Variants in COL24A1 observed in about 807,000 individuals in gnomAD.
COL24A1 encodes collagen alpha-1(XXIV) chain.
Under a neutral mutation model 253.9 loss-of-function variants are expected in COL24A1, and 224 were observed. The observed-to-expected ratio is 0.88, with a 90% CI of 0.79 to 0.99. The LOEUF is 0.99. Among genes scored for constraint, COL24A1 ranks in the 50% least tolerant of loss-of-function variants. COL24A1 has a pLI of 0.00. For synonymous variants in COL24A1, 685 were observed against 673.7 expected (o/e 1.02, Z -0.26); for missense variants, 2,131 against 2,068.5 (o/e 1.03, Z -0.59).
chr1:86,112,610 C>T lies in COL24A1; in HGVS notation c.1556G>A (p.Gly519Glu). ...SGKRGPRGIP[G>E]PHGNPGLPGL... Reference sequence around the variant, plus strand: ...AGGTAAACCAGGATTTCCATGTGGCCCTGGTATGCCCTGCAAGTAACGAAA... The same window carrying T: ...AGGTAAACCAGGATTTCCATGTGGCTCTGGTATGCCCTGCAAGTAACGAAA... Residue 519 changes from glycine (G) to glutamate (E), a missense_variant, in exon 5 of 60, where the codon GGG becomes GAG. Physicochemically the swap from Gly to Glu is moderately conservative, Grantham distance 98 (BLOSUM62 -2). Coordinates refer to ENST00000370571, the MANE Select transcript of COL24A1 (RefSeq NM_152890.7). 1.2e-6 allele frequency: 2 copies of T among 1,612,864 alleles called. No homozygotes were observed. The highest frequency in any genetic ancestry group is 1.1e-5 in the South Asian group (1 of 90,762).
Position 85,921,917 on chromosome 1 carries a change from T to A in COL24A1, c.2563-10484A>T, listed in dbSNP as rs577851059. Among the ~76,000 whole-genome samples the A allele has an allele frequency of 2.0e-5, 3 of 152,244 alleles. No homozygotes were observed. The East Asian group carries it at 5.8e-4, about 29-fold the overall frequency. ...CTCATCGCAAGTAAGCTAAAAGCCT[T>A]GAAAAATGATTAGATGAATGGCCAA... is the stretch of plus-strand genomic sequence containing the variant. On this transcript the variant is annotated intron_variant, in intron 24 of 59. Coordinates refer to ENST00000370571, the MANE Select transcript of COL24A1 (RefSeq NM_152890.7).
At chr1:85,828,951 T>C (rs1221686480) in intron 43 of COL24A1, among the ~76,000 whole-genome samples, 1 of 151,564 alleles carries the variant, frequency 6.6e-6, no homozygotes, top group Non-Finnish European at 1.5e-5. Context: ...TATGTGTGAA[T>C]TTGATCCTGT....
intron 19 of COL24A1, among the ~76,000 whole-genome samples, chr1:86,008,123 C>T (rs920700635): frequency 6.6e-6 from 1 of 151,904 alleles, no homozygotes; most frequent in Non-Finnish European, 1.5e-5. Flanking sequence ...CACATAGATC[C>T]AAACAGAAAA....
In COL24A1 at chr1:85,904,061, A is replaced by G. The variant is rs1385676093; in HGVS notation, c.2778+3133T>C. Among the ~76,000 whole-genome samples, 13 of 152,290 alleles carry G rather than the reference A, an allele frequency of 8.5e-5. No homozygotes were observed. The East Asian group carries it at 2.5e-3, about 29-fold the overall frequency. On this transcript the variant is annotated intron_variant, in intron 28 of 59. Transcript: ENST00000370571. ...CCTATATGGTAAGCATTTCCTTGAA[A>G]GGGACAAATTTCAGAATTTCTATAG...
At chr1:86,082,045 G>A (rs888023152) in intron 7 of COL24A1, among the ~76,000 whole-genome samples, 2 of 152,084 alleles carry the variant, frequency 1.3e-5, no homozygotes, top group Admixed American at 1.3e-4. Context: ...CATAGCACAA[G>A]GCAGCTTCTG....
chr1:86,096,452 C>T (rs548017721), intron 5 of COL24A1, among the ~76,000 whole-genome samples: 1 of 152,210 alleles, frequency 6.6e-6, no homozygotes, highest in East Asian at 1.9e-4. Flanking sequence ...CCAACACTTC[C>T]TATCTTTAGC....
intron 20 of COL24A1, among the ~76,000 whole-genome samples, chr1:85,976,930 G>A (rs990939198): frequency 2.0e-5 from 3 of 152,218 alleles, no homozygotes; most frequent in East Asian, 1.9e-4. Context: ...AAGCCAGCAC[G>A]TGAAACGTAT....
chr1:86,003,647 C>A (rs2101074035), intron 19 of COL24A1, among the ~76,000 whole-genome samples: 1 of 152,076 alleles, frequency 6.6e-6, no homozygotes, highest in African/African-American at 2.4e-5. Context: ...AAAAGTCATC[C>A]TAAGGGGTAG....
At chr1:85,820,744 C>T (rs1218345910) in intron 45 of COL24A1, among the ~76,000 whole-genome samples, 1 of 152,140 alleles carries the variant, frequency 6.6e-6, no homozygotes, top group Non-Finnish European at 1.5e-5. Flanking sequence ...TAAAATTGTG[C>T]TTTCTTTTTG....
chr1:86,024,130 C>T (rs761361314), intron 14 of COL24A1, among the ~76,000 whole-genome samples: 2 of 152,074 alleles, frequency 1.3e-5, no homozygotes, highest in Admixed American at 6.6e-5. Flanking sequence ...TCTCCCTCCC[C>T]GAAATCCTCC....
intron 8 of COL24A1, among the ~76,000 whole-genome samples, chr1:86,062,326 G>A (rs1701149117): frequency 6.6e-6 from 1 of 151,698 alleles, no homozygotes; most frequent in Admixed American, 6.6e-5. Flanking sequence ...TCCTCTGAAT[G>A]TCCACAGTAT....
chr1:86,084,925 C>G (rs1284544954), intron 7 of COL24A1, among the ~76,000 whole-genome samples: 1 of 152,102 alleles, frequency 6.6e-6, no homozygotes, highest in African/African-American at 2.4e-5. Flanking sequence ...GTATTAGACT[C>G]AGTACTGCAC....
chr1:85,801,852 TATA>T (rs1235487715), intron 47 of COL24A1, among the ~76,000 whole-genome samples: 1 of 152,238 alleles, frequency 6.6e-6, no homozygotes, highest in Non-Finnish European at 1.5e-5. Flanking sequence ...TTAGGCCTCC[TATA>T]ATATTTGCTT....
chr1:85,732,769 T>C (rs151101234), intron 59 of COL24A1, among the ~76,000 whole-genome samples: 75 of 152,354 alleles, frequency 4.9e-4, no homozygotes, highest in African/African-American at 1.7e-3. Flanking sequence ...GGACCAATAA[T>C]ATATTCTTTA....
At chr1:85,925,438 G>A (rs2103045836) in intron 24 of COL24A1, among the ~76,000 whole-genome samples, 2 of 152,266 alleles carry the variant, frequency 1.3e-5, no homozygotes, top group African/African-American at 4.8e-5. Flanking sequence ...CAAGGCTACA[G>A]TAACCAAAAC....
At chr1:86,116,038 C>T (rs1442443542) in intron 3 of COL24A1, among the ~76,000 whole-genome samples, 1 of 152,188 alleles carries the variant, frequency 6.6e-6, no homozygotes, top group Admixed American at 6.5e-5. Flanking sequence ...AAATAGGACA[C>T]TACTTCTTTA....
At chr1:85,755,294 T>A (rs2101036324) in intron 55 of COL24A1, among the ~76,000 whole-genome samples, 1 of 152,202 alleles carries the variant, frequency 6.6e-6, no homozygotes, top group African/African-American at 2.4e-5. Context: ...AGAAAAATAT[T>A]ATAGGGAGTC....
Position 85,730,723 on chromosome 1 carries a change from G to A in COL24A1, c.4999-31C>T, listed in dbSNP as rs202057549. 260 of 1,610,592 alleles carry A rather than the reference G, an allele frequency of 1.6e-4. 1 individual carries two copies. Among genetic ancestry groups the A allele is most frequent in the Middle Eastern group, 5.0e-4 (3 of 6,042 alleles). On this transcript the variant is annotated intron_variant, in intron 59 of 59. Transcript: ENST00000370571. Reference sequence around the variant, plus strand: ...AAATAAGAACAAAATGCTTTCATACGCATTTCATTAGCAGTCACTTTCAGT... The same window carrying A: ...AAATAAGAACAAAATGCTTTCATACACATTTCATTAGCAGTCACTTTCAGT...
chr1:85,816,880 G>A lies in COL24A1; in HGVS notation c.3859C>T (p.Leu1287Phe), dbSNP rs1192622526. Residue 1287 changes from leucine to phenylalanine, a missense_variant, in exon 47 of 60, where the codon CTT (leucine) becomes TTT (phenylalanine). By Grantham distance (22) the Leu-to-Phe change is conservative. Coordinates refer to ENST00000370571, the MANE Select transcript of COL24A1 (RefSeq NM_152890.7). The part of the protein sequence containing the change: ...KPGIPGLQGL[L>F]GPKGIQGYHG... ...TATCCTTGTATGCCTTTTGGCCCAAGTAGGCCTTGAAGTCCCTTGATAATT... is the reference window on the plus strand; with the variant it reads ...TATCCTTGTATGCCTTTTGGCCCAAATAGGCCTTGAAGTCCCTTGATAATT... The A allele has an allele frequency of 6.2e-7, 1 of 1,613,598 alleles. No homozygotes were observed. Among genetic ancestry groups the A allele is most frequent in the Non-Finnish European group, 8.5e-7 (1 of 1,179,706 alleles).
Sources: gnomAD v4.1 joint callset for allele counts (sites outside exome capture counted in the v4.1 genomes callset) on GRCh38, gnomAD v4.1.1 for gene constraint, MANE v1.5 for transcripts, NCBI Gene and HGNC (gene_info 2026-07-23, HGNC 2026-07-21) for gene names.